TOR1AIP2: variants seen among roughly 807,000 people sequenced by gnomAD.
The protein encoded by TOR1AIP2 is torsin 1A interacting protein 2.
In TOR1AIP2, 20 loss-of-function variants were observed where a neutral mutation model predicts 32.6. The observed-to-expected ratio is 0.61, with a 90% CI of 0.43 to 0.89. TOR1AIP2 has a LOEUF of 0.89. Among genes scored for constraint, TOR1AIP2 ranks in the 40% least tolerant of loss-of-function variants. The pLI is 0.00. For missense variants in TOR1AIP2, 456 were observed against 553.8 expected, an observed-to-expected ratio of 0.82 and a Z score of 1.77; for synonymous variants, 214 against 210.8, an observed-to-expected ratio of 1.02 and a Z score of -0.13.
At chr1:179,864,883 T>C (rs751934772) in intron 3 of TOR1AIP2, 1 of 1,614,042 alleles carries the variant, frequency 6.2e-7, no homozygotes, top group South Asian at 1.1e-5. Flanking sequence ...CATGTATTCT[T>C]TTTCTAACCA....
intron 3 of TOR1AIP2, chr1:179,860,808 A>G (rs1218414721): frequency 1.0e-6 from 1 of 985,364 alleles, no homozygotes; most frequent in Non-Finnish European, 1.2e-6. Context: ...CCAAAATTCC[A>G]TGGAGACTCA....
intron 3 of TOR1AIP2, chr1:179,863,908 A>G (rs934921664): frequency 1.0e-6 from 1 of 985,300 alleles, no homozygotes; most frequent in African/African-American, 1.7e-5. Context: ...AATGTGGCCA[A>G]TGTTCAGCAG....
At chr1:179,859,485 T>A in intron 3 of TOR1AIP2, 1 of 985,436 alleles carries the variant, frequency 1.0e-6, no homozygotes, top group African/African-American at 1.7e-5. Context: ...AAAACTTACA[T>A]CTAGGTTTGA....
chr1:179,867,010 G>C (rs181113209), intron 2 of TOR1AIP2, among the ~76,000 whole-genome samples: 448 of 152,208 alleles, frequency 2.9e-3, no homozygotes, highest in South Asian at 5.4e-3. Flanking sequence ...GATCCTATGA[G>C]AGTAATAAGA....
chr1:179,861,469 G>A, intron 3 of TOR1AIP2: 2 of 972,196 alleles, frequency 2.1e-6, no homozygotes, highest in Non-Finnish European at 2.4e-6. Context: ...ACAGGTATGT[G>A]ATGTTTGAAG....
At chr1:179,861,834 T>C (rs902335021) in intron 3 of TOR1AIP2, 2 of 960,464 alleles carry the variant, frequency 2.1e-6, no homozygotes, top group African/African-American at 3.5e-5. Context: ...TGCATCAGAA[T>C]CTCCAAAGGT....
intron 5 of TOR1AIP2, 36 bp from the exon 6 acceptor site, chr1:179,847,672 G>T: frequency 7.5e-7 from 1 of 1,328,864 alleles, no homozygotes; most frequent in Non-Finnish European, 1.1e-6. Flanking sequence ...TTTTTAGGCA[G>T]TACACTAATG....
chr1:179,876,857 T>C (rs1163224348), intron 2 of TOR1AIP2, among the ~76,000 whole-genome samples: 1 of 152,184 alleles, frequency 6.6e-6, no homozygotes, highest in African/African-American at 2.4e-5. Flanking sequence ...ATGAAATTTG[T>C]TAAAAGAAGG....
chr1:179,859,819 TTAA>T, intron 3 of TOR1AIP2: 5 of 985,340 alleles, frequency 5.1e-6, no homozygotes, highest in Non-Finnish European at 6.0e-6. Context: ...CAGGAGAGAT[TTAA>T]GAAGTTTTTT....
intron 3 of TOR1AIP2, 178 bp downstream of exon 3, chr1:179,865,258 T>C (rs1283409515): frequency 3.4e-6 from 5 of 1,474,658 alleles, no homozygotes; most frequent in Non-Finnish European, 4.5e-6. Context: ...ACACCAGTCC[T>C]ATTACAGGTT....
chr1:179,877,555 T>C (rs1170390045), intron 1 of TOR1AIP2, 138 bp downstream of exon 1: 1 of 91,218 alleles, frequency 1.1e-5, no homozygotes, highest in Non-Finnish European at 2.2e-5. Context: ...TCAAAAACAA[T>C]AAAAATAAAA....
intron 3 of TOR1AIP2, chr1:179,863,349 C>CTAATGAGA (rs1696631627): frequency 1.0e-6 from 1 of 983,866 alleles, no homozygotes; most frequent in Non-Finnish European, 1.2e-6. Context: ...CTGGTACTTT[C>CTAATGAGA]TAATGAGATG....
chr1:179,841,475 G>A lies in TOR1AIP2; in HGVS notation c.*4596C>T, dbSNP rs1427603127. 1 of 152,214 alleles carries A rather than the reference G, an allele frequency of 6.6e-6. No individual in the cohort carries two copies. The highest frequency in any genetic ancestry group is 1.5e-5 in the Non-Finnish European group (1 of 68,040). 9.4% of individuals were successfully genotyped at this position (152,214 alleles called of 1,614,324 possible). ...AAAGGCTTCATGTTGCTATTTGAAA[G>A]TACTTCTCAACTAGCCGGGCATGGT... is the stretch of plus-strand genomic sequence containing the variant. On this transcript the variant is annotated 3_prime_UTR_variant, in exon 7 of 7. Coordinates refer to ENST00000609928, the MANE Select transcript of TOR1AIP2 (RefSeq NM_001199260.2).
chr1:179,857,458 TAA>T (rs1045042248), intron 3 of TOR1AIP2, among the ~76,000 whole-genome samples: 86 of 152,348 alleles, frequency 5.6e-4, no homozygotes, highest in Middle Eastern at 3.4e-3. Context: ...GGGACTTTTC[TAA>T]GAGGGACACA....
chr1:179,852,003 A>T (rs1477646422), intron 4 of TOR1AIP2, among the ~76,000 whole-genome samples: 1 of 152,246 alleles, frequency 6.6e-6, no homozygotes, highest in East Asian at 1.9e-4. Flanking sequence ...AAGAATGGCC[A>T]GATGTGGTGG....
chr1:179,851,191 T>C lies in TOR1AIP2; in HGVS notation c.207A>G (p.Lys69=). Residue 69 remains lysine (K), a synonymous_variant, in exon 5 of 7, where the codon AAA becomes AAG. Coordinates refer to ENST00000609928, the MANE Select transcript of TOR1AIP2 (RefSeq NM_001199260.2). ...EGPESADTGD[K]SESPDEANVG... ...CATTTGCTTCATCTGGACTTTCTGA[T>C]TTATCACCTGTATCTGCACTTTCTG... 1 of 1,614,120 alleles carries C rather than the reference T, an allele frequency of 6.2e-7. No homozygotes were observed. Among genetic ancestry groups the C allele is most frequent in the South Asian group, 1.1e-5 (1 of 91,082 alleles).
chr1:179,854,907 A>T (rs1696240688), intron 3 of TOR1AIP2, among the ~76,000 whole-genome samples: 1 of 152,158 alleles, frequency 6.6e-6, no homozygotes, highest in South Asian at 2.1e-4. Context: ...AAGTAATAAA[A>T]GCAATGGAAC....
chr1:179,855,989 G>A (rs1210651515), intron 3 of TOR1AIP2, among the ~76,000 whole-genome samples: 1 of 151,898 alleles, frequency 6.6e-6, no homozygotes, highest in Non-Finnish European at 1.5e-5. Context: ...GACCAGCCTG[G>A]ACAACATGGT....
In TOR1AIP2 at chr1:179,846,829, C is replaced by A. The variant is rs777706340; in HGVS notation, c.656-1G>T. On this transcript the variant is annotated splice_acceptor_variant, in intron 6 of 6. Transcript: ENST00000609928. LOFTEE classifies it high-confidence loss of function. Reference sequence around the variant, plus strand: ...ACCAGGACGACAAGAATCACAGGGCCTGTCAAAAGAATGAAAAAGGAATAG... The same window carrying A: ...ACCAGGACGACAAGAATCACAGGGCATGTCAAAAGAATGAAAAAGGAATAG... 9 of 1,579,976 alleles carry A rather than the reference C, an allele frequency of 5.7e-6. No individual in the cohort carries two copies. In the South Asian group the frequency reaches 9.2e-5, roughly 16 times the overall value.
Sources: allele counts gnomAD v4.1 joint callset (sites outside exome capture counted in the v4.1 genomes callset), GRCh38; gene constraint gnomAD v4.1.1; transcripts MANE v1.5; gene names NCBI Gene and HGNC (gene_info 2026-07-23, HGNC 2026-07-21).